Variants in ANKZF1 observed in about 807,000 individuals in gnomAD.
ANKZF1 encodes tRNA endonuclease ANKZF1.
A neutral mutation model predicts 86.0 loss-of-function variants in ANKZF1; 84 were observed. That is an observed-to-expected ratio of 0.98 (90% confidence interval 0.82 to 1.17). The LOEUF (loss-of-function observed/expected upper bound fraction) is 1.17, where lower values mean the gene tolerates loss of function less well. Ranked by LOEUF, ANKZF1 falls within the 50% of genes most tolerant of loss-of-function variation. The probability of loss-of-function intolerance (pLI) is 0.00; values close to 1 mark genes in which losing one functional copy is unlikely to be tolerated. For missense variants in ANKZF1, 893 were observed against 918.4 expected, an observed-to-expected ratio of 0.97 and a Z score of 0.36; for synonymous variants, 331 against 354.2, an observed-to-expected ratio of 0.93 and a Z score of 0.74.
rs1187202210 is a variant in ANKZF1, at chr2:219,236,012, A to T, written c.1974A>T (p.Arg658Ser). Reference sequence around the variant, plus strand: ...TTAACACAACTTGTCTCCCTCAGAGAGCTCTGGCTGCAGAGCGCCGACTCG... The same window carrying T: ...TTAACACAACTTGTCTCCCTCAGAGTGCTCTGGCTGCAGAGCGCCGACTCG... ...RFAALSDREK[R>S]ALAAERRLAA... The change falls in exon 13 of 14, where the codon AGA (arginine) becomes AGT (serine). Residue 658 changes from arginine to serine, a missense_variant and splice_region_variant. Physicochemically the swap from Arg to Ser is moderately radical, Grantham distance 110. Coordinates refer to ENST00000323348, the MANE Select transcript of ANKZF1 (RefSeq NM_018089.3). 2.5e-6 allele frequency: 4 copies of T among 1,613,992 alleles called. No individual in the cohort carries two copies. The highest frequency in any genetic ancestry group is 1.7e-5 in the Admixed American group (1 of 60,000).
At position 219,235,736 on chromosome 2, in the gene ANKZF1, A is replaced by G; in HGVS notation, c.1832A>G (p.Glu611Gly). The stretch of plus-strand genomic sequence containing the variant: ...CCAGGACCATTGACACCAGAAATGG[A>G]GGCACGGCAGGCTACACGGAAAAGG... ...QVPGPLTPEMEARQATRKREQ... is the reference protein window; with the variant it reads ...QVPGPLTPEMGARQATRKREQ... Residue 611 changes from glutamate (E) to glycine (G), a missense_variant, in exon 12 of 14, where the codon GAG (glutamate) becomes GGG (glycine). By Grantham distance (98) the Glu-to-Gly change is moderately conservative (BLOSUM62 -2). Coordinates refer to ENST00000323348, the MANE Select transcript of ANKZF1 (RefSeq NM_018089.3). The G allele has an allele frequency of 1.2e-6, 2 of 1,614,128 alleles. No homozygotes were observed. Among genetic ancestry groups the G allele is most frequent in the Non-Finnish European group, 8.5e-7 (1 of 1,180,028 alleles).
At position 219,229,840 on chromosome 2, in the gene ANKZF1, GT is replaced by G. The variant is rs760013793; in HGVS notation, c.-89del. The G allele has an allele frequency of 5.8e-6, 1 of 173,782 alleles. No homozygotes were observed. Among genetic ancestry groups the G allele is most frequent in the Non-Finnish European group, 1.3e-5 (1 of 79,884 alleles). The allele number at this position is 173,782 out of a possible 1,614,324, so 10.8% of individuals were successfully genotyped here. On this transcript the variant is annotated 5_prime_UTR_variant, in exon 1 of 14. Coordinates refer to ENST00000323348, the MANE Select transcript of ANKZF1 (RefSeq NM_018089.3). This position sits in a 1 kb window ranked among gnomAD's most constrained non-coding sequence, Gnocchi z 4.2. ...GCTCCGTAGTGACGGGGATTGTTGT[GT>G]TGCAGAAATCCGGCAATCGACCTGA...
intron 3 of ANKZF1, 91 bp from the exon 4 acceptor site, chr2:219,232,169 A>C: frequency 3.4e-6 from 5 of 1,449,682 alleles, no homozygotes; most frequent in Non-Finnish European, 9.6e-7. Context: ...ACCTGGTTGT[A>C]CTTCCTAGAA....
rs1469296118 is a variant in ANKZF1 at position 219,233,267 on chromosome 2, G to C, written c.672-19G>C. 6.2e-7 allele frequency: 1 copy of C among 1,614,228 alleles called. No individual in the cohort carries two copies. Among genetic ancestry groups the C allele is most frequent in the South Asian group, 1.1e-5 (1 of 91,080 alleles). On this transcript the variant is annotated intron_variant, in intron 6 of 13. Coordinates refer to ENST00000323348, the MANE Select transcript of ANKZF1 (RefSeq NM_018089.3). Reference sequence around the variant, plus strand: ...GGAGCACCAGCTGGTCTCCAGTACTGAGTCTGTGCTGTCTACAGAAGAGAA... The same window carrying C: ...GGAGCACCAGCTGGTCTCCAGTACTCAGTCTGTGCTGTCTACAGAAGAGAA...
At position 219,231,877 on chromosome 2, in the gene ANKZF1, A is replaced by T. The variant is rs746727715; in HGVS notation, c.149-51A>T. 2.1e-6 allele frequency: 3 copies of T among 1,414,862 alleles called. No homozygotes were observed. The East Asian group carries it at 6.8e-5, about 32-fold the overall frequency. 87.6% of individuals were successfully genotyped at this position (1,414,862 alleles called of 1,614,324 possible). Reference sequence around the variant, plus strand: ...TCACACTCTGAATATAATTCTTGTCACTGTGGATTTGGGCTCCCTTTCTAT... The same window carrying T: ...TCACACTCTGAATATAATTCTTGTCTCTGTGGATTTGGGCTCCCTTTCTAT... On this transcript the variant is annotated intron_variant, in intron 2 of 13. Coordinates refer to ENST00000323348, the MANE Select transcript of ANKZF1 (RefSeq NM_018089.3).
Position 219,232,561 on chromosome 2 carries a change from C to T in ANKZF1, c.436C>T (p.Arg146Trp), listed in dbSNP as rs199733184. ...ASEEDLQTLD[R>W]ERATFEKLSR... Reference sequence around the variant, plus strand: ...TGAGGAGGACTTGCAGACACTGGATCGGGAGAGGGCTACATTTGAGAAGTT... The same window carrying T: ...TGAGGAGGACTTGCAGACACTGGATTGGGAGAGGGCTACATTTGAGAAGTT... The change falls in exon 5 of 14, where the codon CGG becomes TGG. Residue 146 changes from arginine (R) to tryptophan (W), a missense_variant. Arg to Trp is a moderately radical substitution (Grantham distance 101). Transcript: ENST00000323348. 817 of 1,614,042 alleles carry T rather than the reference C, an allele frequency of 5.1e-4. 2 individuals are homozygous for T. The highest frequency in any genetic ancestry group is 6.5e-4 in the Non-Finnish European group (768 of 1,180,048).
At chr2:219,233,473 CT>C in intron 7 of ANKZF1, 40 bp downstream of exon 7, 8 of 1,540,242 alleles carry the variant, frequency 5.2e-6, no homozygotes, top group Admixed American at 4.2e-5. Flanking sequence ...CTGATCCATA[CT>C]TTTTTTGCAT....
chr2:219,229,884 A>G lies in ANKZF1; in HGVS notation c.-47A>G, dbSNP rs947393053. 3 of 189,912 alleles carry G rather than the reference A, an allele frequency of 1.6e-5. No individual in the cohort carries two copies. Among genetic ancestry groups the G allele is most frequent in the Non-Finnish European group, 3.3e-5 (3 of 91,566 alleles). 11.8% of individuals were successfully genotyped at this position (189,912 alleles called of 1,614,324 possible). ...CGACCTGAGGACTTGCGAGCCGCTC[A>G]GCTCCCGGGACGTTTGGTGCGTCTT... On this transcript the variant is annotated 5_prime_UTR_variant, in exon 1 of 14. Coordinates refer to ENST00000323348, the MANE Select transcript of ANKZF1 (RefSeq NM_018089.3). This position sits in a 1 kb window ranked among gnomAD's most constrained non-coding sequence, Gnocchi z 4.2.
rs1951190869 is a variant in ANKZF1 at position 219,235,600 on chromosome 2, G to A, written c.1803+15G>A. Reference sequence around the variant, plus strand: ...ACAAGGCTCAGGTCATCTGGAATAGGAAGGACAAGCAGAGTGGGAAGGCAT... The same window carrying A: ...ACAAGGCTCAGGTCATCTGGAATAGAAAGGACAAGCAGAGTGGGAAGGCAT... On this transcript the variant is annotated intron_variant, in intron 11 of 13. Transcript: ENST00000323348. 6.2e-7 allele frequency: 1 copy of A among 1,613,806 alleles called. No homozygotes were observed. Among genetic ancestry groups the A allele is most frequent in the African/African-American group, 1.3e-5 (1 of 74,910 alleles).
At chr2:219,234,537 T>G in intron 9 of ANKZF1, 2 of 641,196 alleles carry the variant, frequency 3.1e-6, no homozygotes, top group South Asian at 4.0e-5. Context: ...GGATCTCACA[T>G]AGTTTATCTT....
At position 219,235,753 on chromosome 2, in the gene ANKZF1, C is replaced by T. The variant is rs768432915; in HGVS notation, c.1849C>T (p.Arg617Trp). 30 of 1,614,018 alleles carry T rather than the reference C, an allele frequency of 1.9e-5. No individual in the cohort carries two copies. The highest frequency in any genetic ancestry group is 5.0e-5 in the Admixed American group (3 of 60,002). Residue 617 changes from arginine to tryptophan, a missense_variant, in exon 12 of 14, where the codon CGG (arginine) becomes TGG (tryptophan). Transcript: ENST00000323348. The part of the protein sequence containing the change: ...TPEMEARQAT[R>W]KREQKAARRQ... ...AGAAATGGAGGCACGGCAGGCTACA[C>T]GGAAAAGGGAGCAGAAGGCAGCCCG...
intron 5 of ANKZF1, 43 bp from the exon 6 acceptor site, chr2:219,233,036 G>A (rs1951087870): frequency 1.9e-6 from 3 of 1,568,474 alleles, no homozygotes; most frequent in Non-Finnish European, 2.6e-6. Context: ...CTTGCTCTCA[G>A]TGAATGCAAC....
At chr2:219,232,912 A>G in intron 5 of ANKZF1, 167 bp from the exon 6 acceptor site, 1 of 830,384 alleles carries the variant, frequency 1.2e-6, no homozygotes, top group Non-Finnish European at 1.9e-6. Context: ...TGATTCTACC[A>G]CTTCATCTTG....
rs1951083227 is a variant in ANKZF1 at position 219,232,816 on chromosome 2, G to A, written c.558+133G>A. ...TGTGGGTATCACGCTTGACAACATAGTCTTGAATTGAAACTGGCCTGAATT... is the reference window on the plus strand; with the variant it reads ...TGTGGGTATCACGCTTGACAACATAATCTTGAATTGAAACTGGCCTGAATT... On this transcript the variant is annotated intron_variant, in intron 5 of 13. Transcript: ENST00000323348. 7 of 1,046,476 alleles carry A rather than the reference G, an allele frequency of 6.7e-6. No homozygotes were observed. The East Asian group carries it at 1.0e-4, about 15-fold the overall frequency. The allele number at this position is 1,046,476 out of a possible 1,614,324, so 64.8% of individuals were successfully genotyped here. A position where few individuals can be genotyped will look rare whatever the true frequency, so the allele number is the denominator to read the frequency against.
chr2:219,232,932 C>T, intron 5 of ANKZF1, 147 bp from the exon 6 acceptor site: 1 of 911,202 alleles, frequency 1.1e-6, no homozygotes, highest in Admixed American at 2.3e-5. Flanking sequence ...GACTGCCTCG[C>T]CAAGCCTCAA....
Position 219,233,859 on chromosome 2 carries a change from T to C in ANKZF1, c.964T>C (p.Trp322Arg). Residue 322 changes from tryptophan (W) to arginine (R), a missense_variant, in exon 8 of 14, where the codon TGG (tryptophan) becomes CGG (arginine). Trp to Arg is a moderately radical substitution (Grantham distance 101). Transcript: ENST00000323348. ...APLQRGDPRL[W>R]DIPLATRRPT... ...CCTGCAAAGGGGGGATCCCCGACTT[T>C]GGGATATCCCCCTCGCCACCCGCAG... The C allele has an allele frequency of 1.2e-6, 2 of 1,613,122 alleles. No homozygotes were observed. The highest frequency in any genetic ancestry group is 1.7e-6 in the Non-Finnish European group (2 of 1,179,586).
intron 7 of ANKZF1, 87 bp from the exon 8 acceptor site, chr2:219,233,628 C>T: frequency 2.7e-6 from 4 of 1,468,534 alleles, no homozygotes; most frequent in Non-Finnish European, 3.7e-6. Context: ...CTTTCCACCC[C>T]TTGCACTTCT....
At chr2:219,234,512 G>T in intron 9 of ANKZF1, 1 of 664,038 alleles carries the variant, frequency 1.5e-6, no homozygotes, top group South Asian at 1.9e-5. Context: ...GAGCAGATGC[G>T]TGGATGTGTT....
In ANKZF1 at chr2:219,230,355, G is replaced by A. The variant is rs749248463; in HGVS notation, c.98G>A (p.Ser33Asn). The A allele has an allele frequency of 3.1e-6, 5 of 1,613,874 alleles. No homozygotes were observed. The highest frequency in any genetic ancestry group is 4.2e-6 in the Non-Finnish European group (5 of 1,179,810). The change falls in exon 2 of 14, where the codon AGC becomes AAC. Residue 33 changes from serine to asparagine, a missense_variant. Physicochemically the swap from Ser to Asn is conservative, Grantham distance 46. Coordinates refer to ENST00000323348, the MANE Select transcript of ANKZF1 (RefSeq NM_018089.3). ...GTCTTTCAGGGCCTGAGCCTGGTGA[G>A]CCACGCGCCTGGGGAGGCTCTGGCC... is the stretch of plus-strand genomic sequence containing the variant. ...APVFQGLSLVSHAPGEALARA... is the reference protein window; with the variant it reads ...APVFQGLSLVNHAPGEALARA...
Sources: allele counts gnomAD v4.1 joint callset, GRCh38; gene constraint gnomAD v4.1.1; non-coding constraint Gnocchi (gnomAD v3.1); transcripts MANE v1.5; gene names NCBI Gene and HGNC (gene_info 2026-07-23, HGNC 2026-07-21).